SORCS2: variants seen among roughly 807,000 people sequenced by gnomAD.
SORCS2 encodes the protein VPS10 domain-containing receptor SorCS2.
SORCS2 carries 100 observed loss-of-function variants against 141.6 expected under a neutral mutation model. That is an observed-to-expected ratio of 0.71 (90% CI 0.60 to 0.83). SORCS2 has a LOEUF of 0.83. SORCS2 is among the 40% of genes least tolerant of loss of function. The pLI is 0.00. For synonymous variants in SORCS2, 789 were observed against 676.9 expected (o/e 1.17, Z -2.57); for missense variants, 1,646 against 1,560.2 (o/e 1.05, Z -0.93).
rs560874761 is a variant in SORCS2 at position 7,207,484 on chromosome 4, G to T, written c.480+14358G>T. Among the ~76,000 whole-genome samples the T allele has an allele frequency of 7.2e-5, 11 of 152,324 alleles. No individual in the cohort carries two copies. The East Asian group carries it at 9.7e-4, about 13-fold the overall frequency. ...AATTCAGGCTCCTGGAGGCGGGCAGGTTCAGTGGGCTGCCCCGAGCTCTGA... is the reference window on the plus strand; with the variant it reads ...AATTCAGGCTCCTGGAGGCGGGCAGTTTCAGTGGGCTGCCCCGAGCTCTGA... On this transcript the variant is annotated intron_variant, in intron 1 of 26. Transcript: ENST00000507866.
chr4:7,517,513 C>G (rs1560349448), intron 2 of SORCS2, among the ~76,000 whole-genome samples: 1 of 152,138 alleles, frequency 6.6e-6, no homozygotes, highest in African/African-American at 2.4e-5. Flanking sequence ...TCAGCAGAAA[C>G]CGAATACAGT....
intron 3 of SORCS2, among the ~76,000 whole-genome samples, chr4:7,623,269 G>C (rs941333250): frequency 6.6e-6 from 1 of 152,080 alleles, no homozygotes; most frequent in African/African-American, 2.4e-5. Flanking sequence ...TGCCATTGGT[G>C]ATTACTGGTG....
rs535706683 is a variant in SORCS2 at position 7,343,650 on chromosome 4, C to A, written c.481-52638C>A. ...GTGCGGCTGTTTTCTACCTGGGTGA[C>A]CCTGCCTGCCTCAGTTTCCCCATCT... On this transcript the variant is annotated intron_variant, in intron 1 of 26. Coordinates refer to ENST00000507866, the MANE Select transcript of SORCS2 (RefSeq NM_020777.3). Among the ~76,000 whole-genome samples, 4 of 152,310 alleles carry A rather than the reference C, an allele frequency of 2.6e-5. No homozygotes were observed. The East Asian group carries it at 7.7e-4, about 29-fold the overall frequency.
Position 7,740,465 on chromosome 4 carries a change from C to T in SORCS2, c.*201C>T, listed in dbSNP as rs1712576651. 1.7e-6 allele frequency: 1 copy of T among 587,410 alleles called. No individual in the cohort carries two copies. 36.4% of individuals were successfully genotyped at this position (587,410 alleles called of 1,614,324 possible). ...GGCCCACGGGACCCCCCGGGACTCC[C>T]CGGACATGGCCCTGCCCCTATGGGA... On this transcript the variant is annotated 3_prime_UTR_variant, in exon 27 of 27. Transcript: ENST00000507866.
intron 1 of SORCS2, among the ~76,000 whole-genome samples, chr4:7,235,421 G>T (rs1712199242): frequency 6.6e-6 from 1 of 152,242 alleles, no homozygotes; most frequent in African/African-American, 2.4e-5. Context: ...AGAGAGGCAT[G>T]GCCACTGGCC....
At chr4:7,445,818 C>G (rs1452333976) in intron 2 of SORCS2, among the ~76,000 whole-genome samples, 1 of 152,074 alleles carries the variant, frequency 6.6e-6, no homozygotes, top group East Asian at 1.9e-4. Context: ...CAGAGAGGCC[C>G]AGGGATGGCC....
intron 23 of SORCS2, among the ~76,000 whole-genome samples, chr4:7,732,115 G>T (rs545696071): frequency 6.6e-6 from 1 of 152,176 alleles, no homozygotes; most frequent in Admixed American, 6.5e-5. Flanking sequence ...CAGGTGACTC[G>T]ATTAAAAAAC....
At chr4:7,223,708 G>C (rs62289710) in intron 1 of SORCS2, among the ~76,000 whole-genome samples, 7 of 152,144 alleles carry the variant, frequency 4.6e-5, no homozygotes, top group Non-Finnish European at 7.3e-5. Flanking sequence ...CAGTGCAGGT[G>C]CCTCAGGGGC....
intron 14 of SORCS2, among the ~76,000 whole-genome samples, chr4:7,706,334 G>A (rs1577097909): frequency 7.6e-6 from 1 of 131,594 alleles, no homozygotes; most frequent in African/African-American, 2.8e-5. Flanking sequence ...GTCTGGGCAG[G>A]GATGAGGCTG....
chr4:7,434,126 C>T (rs774177996), intron 2 of SORCS2: 2 of 1,613,188 alleles, frequency 1.2e-6, no homozygotes, highest in South Asian at 1.1e-5. Context: ...TCACAGAATC[C>T]CCCCTTCCTG....
intron 1 of SORCS2, among the ~76,000 whole-genome samples, chr4:7,248,051 C>A (rs1430267716): frequency 2.6e-5 from 4 of 152,206 alleles, no homozygotes; most frequent in Non-Finnish European, 4.4e-5. Flanking sequence ...GAGAGCCGAG[C>A]CCCATCATAC....
At chr4:7,558,425 G>A (rs896067837) in intron 3 of SORCS2, among the ~76,000 whole-genome samples, 1 of 152,164 alleles carries the variant, frequency 6.6e-6, no homozygotes, top group African/African-American at 2.4e-5. Context: ...CTACTGGGGT[G>A]GAAAACTACC....
At chr4:7,413,012 G>A (rs370222889) in intron 2 of SORCS2, among the ~76,000 whole-genome samples, 5 of 152,218 alleles carry the variant, frequency 3.3e-5, no homozygotes, top group East Asian at 1.9e-4. Flanking sequence ...GGCATCATGC[G>A]TGAATTTCAG....
At chr4:7,649,987 G>C (rs988782276) in intron 4 of SORCS2, among the ~76,000 whole-genome samples, 5 of 152,206 alleles carry the variant, frequency 3.3e-5, no homozygotes, top group African/African-American at 9.7e-5. Flanking sequence ...GCGGCTATTA[G>C]TGTGAATGAT....
At chr4:7,646,773 A>C (rs988675771) in intron 4 of SORCS2, among the ~76,000 whole-genome samples, 1 of 152,208 alleles carries the variant, frequency 6.6e-6, no homozygotes, top group African/African-American at 2.4e-5. Context: ...GAACGGTGTG[A>C]GAATCTGTTT....
At chr4:7,302,752 T>C (rs987728537) in intron 1 of SORCS2, among the ~76,000 whole-genome samples, 5 of 125,020 alleles carry the variant, frequency 4.0e-5, no homozygotes, top group African/African-American at 1.4e-4. Flanking sequence ...GTCCGGCATC[T>C]AGTAGACAGT....
intron 1 of SORCS2, among the ~76,000 whole-genome samples, chr4:7,386,583 CAT>C (rs147166850): frequency 0.051 from 6,954 of 137,208 alleles, 292 homozygotes; most frequent in Admixed American, 0.091. Context: ...CATGCACACA[CAT>C]ACACATTTGC....
chr4:7,724,187 CTGG>C (rs1404943328), intron 19 of SORCS2, among the ~76,000 whole-genome samples: 3 of 117,054 alleles, frequency 2.6e-5, no homozygotes, highest in Non-Finnish European at 5.0e-5. Flanking sequence ...GATAGCAGTA[CTGG>C]TGGTGGTGGT....
chr4:7,503,637 C>T (rs933587259), intron 2 of SORCS2, among the ~76,000 whole-genome samples: 1 of 152,108 alleles, frequency 6.6e-6, no homozygotes, highest in East Asian at 1.9e-4. Context: ...GGGAGAGGCA[C>T]AGGTGCAGAT....
Sources: gnomAD v4.1 joint callset for allele counts (sites outside exome capture counted in the v4.1 genomes callset) on GRCh38, gnomAD v4.1.1 for gene constraint, MANE v1.5 for transcripts, NCBI Gene and HGNC (gene_info 2026-07-23, HGNC 2026-07-21) for gene names.